Variants in ARHGAP25 observed in about 807,000 individuals in gnomAD.
ARHGAP25 encodes Rho GTPase activating protein 25.
A neutral mutation model predicts 71.0 loss-of-function variants in ARHGAP25; 34 were observed. That is an observed-to-expected ratio of 0.48 (90% CI 0.36 to 0.64). The LOEUF is 0.64. Among genes scored for constraint, ARHGAP25 ranks in the 30% least tolerant of loss-of-function variants. ARHGAP25 has a pLI of 0.00. For missense variants in ARHGAP25, 706 were observed against 805.1 expected, an observed-to-expected ratio of 0.88 and a Z score of 1.49; for synonymous variants, 282 against 296.5, an observed-to-expected ratio of 0.95 and a Z score of 0.50.
chr2:68,732,844 A>T (rs1190841014), upstream of ARHGAP25, among the ~76,000 whole-genome samples: 1 of 152,224 alleles, frequency 6.6e-6, no homozygotes, highest in African/African-American at 2.4e-5. Flanking sequence ...TGAAGACAGG[A>T]GTATACACCA....
At chr2:68,778,624 T>C (rs1018680176) in intron 2 of ARHGAP25, among the ~76,000 whole-genome samples, 2 of 152,194 alleles carry the variant, frequency 1.3e-5, no homozygotes, top group African/African-American at 4.8e-5. Flanking sequence ...ACTGATGATG[T>C]GTGTGTTGGT....
chr2:68,802,468 C>T (rs539423869), intron 4 of ARHGAP25, among the ~76,000 whole-genome samples: 32 of 147,766 alleles, frequency 2.2e-4, no homozygotes, highest in African/African-American at 6.7e-4. Context: ...AAGAGTGTTG[C>T]GGATAATTCT....
At chr2:68,782,205 C>G (rs1291442594) in intron 2 of ARHGAP25, 28 bp from the exon 3 acceptor site, 1 of 1,604,548 alleles carries the variant, frequency 6.2e-7, no homozygotes, top group Non-Finnish European at 8.5e-7. Context: ...TGCTGCTTAT[C>G]CTTAAGGCCT....
At chr2:68,724,229 G>A (rs1165724466) in intron 2 of ARHGAP25, among the ~76,000 whole-genome samples, 1 of 152,068 alleles carries the variant, frequency 6.6e-6, no homozygotes, top group Non-Finnish European at 1.5e-5. Flanking sequence ...AGTCTCTCCT[G>A]GACTGGGCCC....
At chr2:68,753,942 A>C (rs1049392541) in intron 1 of ARHGAP25, among the ~76,000 whole-genome samples, 1 of 148,326 alleles carries the variant, frequency 6.7e-6, no homozygotes, top group African/African-American at 2.5e-5. Flanking sequence ...TCGCTCTGTC[A>C]CCCAGGCTGG....
chr2:68,777,896 A>G (rs927501419), intron 2 of ARHGAP25, among the ~76,000 whole-genome samples: 5 of 152,116 alleles, frequency 3.3e-5, no homozygotes, highest in Admixed American at 6.5e-5. Flanking sequence ...AGCCTTCCCT[A>G]TACATATGTA....
rs781051383 is a variant in ARHGAP25, at chr2:68,822,813, C to G, written c.1674C>G (p.Val558=). 11 of 1,613,744 alleles carry G rather than the reference C, an allele frequency of 6.8e-6. No homozygotes were observed. In the African/African-American group the frequency reaches 1.3e-4, roughly 20 times the overall value. ...EEEIDSLQRM[V]QELRKEIETQ... ...AAATTGATTCTTTGCAGAGGATGGT[C>G]CAAGAGCTACGAAAGGAAATAGAAA... The change falls in exon 10 of 11, where the codon GTC becomes GTG. Residue 558 remains valine (V), a synonymous_variant. Coordinates refer to ENST00000409202, the MANE Select transcript of ARHGAP25 (RefSeq NM_001007231.3).
At chr2:68,782,378 T>C (rs1678405785) in intron 3 of ARHGAP25, 58 bp downstream of exon 3, 1 of 1,503,230 alleles carries the variant, frequency 6.7e-7, no homozygotes, top group Non-Finnish European at 9.2e-7. Context: ...CCATTTTACT[T>C]CTGGACCCTA....
chr2:68,718,468 C>A (rs748965277), intron 2 of ARHGAP25, among the ~76,000 whole-genome samples: 2 of 152,134 alleles, frequency 1.3e-5, no homozygotes, highest in Non-Finnish European at 2.9e-5. Context: ...ATCTCAATAT[C>A]CTTGACTTAA....
chr2:68,772,307 GCCA>G (rs1163039266), intron 1 of ARHGAP25, among the ~76,000 whole-genome samples: 1 of 152,226 alleles, frequency 6.6e-6, no homozygotes, highest in Non-Finnish European at 1.5e-5. Flanking sequence ...AGTCCTTCTA[GCCA>G]CCATGTGGCA....
chr2:68,782,421 C>A (rs1426999569), intron 3 of ARHGAP25, 101 bp downstream of exon 3: 2 of 1,045,118 alleles, frequency 1.9e-6, no homozygotes, highest in African/African-American at 1.6e-5. Flanking sequence ...AGTAATTCAA[C>A]TAACTAACCA....
intron 1 of ARHGAP25, among the ~76,000 whole-genome samples, chr2:68,761,415 G>T (rs536440420): frequency 1.3e-4 from 19 of 151,756 alleles, no homozygotes; most frequent in Admixed American, 5.2e-4. Flanking sequence ...AAAAAATTAC[G>T]TATCAAAAGA....
upstream of ARHGAP25, among the ~76,000 whole-genome samples, chr2:68,733,951 A>G (rs552958369): frequency 9.8e-5 from 15 of 152,370 alleles, no homozygotes; most frequent in Admixed American, 7.8e-4. Flanking sequence ...CAAAGTGGTC[A>G]AGAAACTTGT....
intron 1 of ARHGAP25, among the ~76,000 whole-genome samples, chr2:68,762,174 A>C (rs4416253): frequency 0.85 from 128,988 of 152,114 alleles, 54,933 homozygotes; most frequent in African/African-American, 0.9. Flanking sequence ...TGAGGTGCTT[A>C]GAGGAGACAA....
chr2:68,796,878 G>A (rs1313357234), intron 4 of ARHGAP25, among the ~76,000 whole-genome samples: 3 of 152,176 alleles, frequency 2.0e-5, no homozygotes, highest in Admixed American at 2.0e-4. Context: ...GGGGCAGTGG[G>A]TATAAAGGTG....
chr2:68,801,582 A>G (rs1043727643), intron 4 of ARHGAP25, among the ~76,000 whole-genome samples: 8 of 152,180 alleles, frequency 5.3e-5, no homozygotes, highest in Non-Finnish European at 1.2e-4. Flanking sequence ...GGAAGTACTG[A>G]GTAGAGAAAA....
intron 9 of ARHGAP25, among the ~76,000 whole-genome samples, chr2:68,819,922 T>C (rs1169398568): frequency 4.6e-5 from 7 of 152,230 alleles, no homozygotes; most frequent in African/African-American, 1.7e-4. Flanking sequence ...TATATATTTA[T>C]AGGAACAAAT....
At position 68,724,329 on chromosome 2, in the gene ARHGAP25, C is replaced by G. The variant is rs78679544; in HGVS notation, c.-18+13631C>G. Among the ~76,000 whole-genome samples the G allele has an allele frequency of 6.2e-3, 937 of 152,330 alleles. 12 individuals are homozygous for G. Among genetic ancestry groups the G allele is most frequent in the Middle Eastern group, 0.024 (7 of 294 alleles). ...TCCCCCAACTCTCTAAACATCTGGT[C>G]TCTAAGCTTAGACTACCTGACACCT... On this transcript the variant is annotated intron_variant and NMD_transcript_variant, in intron 2 of 7. Coordinates refer to the ARHGAP25 transcript ENST00000463483.
At chr2:68,742,668 T>C (rs562658403) in intron 1 of ARHGAP25, among the ~76,000 whole-genome samples, 1 of 152,378 alleles carries the variant, frequency 6.6e-6, no homozygotes, top group South Asian at 2.1e-4. Flanking sequence ...TCAGCTCCTT[T>C]GAATCAAGTC....
Sources: gnomAD v4.1 joint callset for allele counts (sites outside exome capture counted in the v4.1 genomes callset) on GRCh38, gnomAD v4.1.1 for gene constraint, MANE v1.5 for transcripts, NCBI Gene and HGNC (gene_info 2026-07-23, HGNC 2026-07-21) for gene names.